The following KDM4A variants were observed in gnomAD, a reference collection of about 807,000 sequenced individuals.
KDM4A encodes lysine demethylase 4A.
In KDM4A, 23 loss-of-function variants were observed where a neutral mutation model predicts 127.1. That is an observed-to-expected ratio of 0.18 (90% confidence interval 0.13 to 0.26). The LOEUF (loss-of-function observed/expected upper bound fraction) is 0.26. Ranked by LOEUF, KDM4A falls within the 10% of genes least tolerant of loss-of-function variation. KDM4A has a pLI of 1.00. For synonymous variants in KDM4A, 443 were observed against 466.5 expected, an observed-to-expected ratio of 0.95 and a Z score of 0.65; for missense variants, 890 against 1,329.1, an observed-to-expected ratio of 0.67 and a Z score of 5.14.
rs10695477 is a variant in KDM4A, at chr1:43,693,643, A to ATGG, written c.2376-349_2376-347dup. Reference sequence around the variant, plus strand: ...CGTTTTCAGGAAGCACTTGGGTCCTATGGTAAAGAGGTCTGCATAGAGCTT... The same window carrying ATGG: ...CGTTTTCAGGAAGCACTTGGGTCCTATGGTGGTAAAGAGGTCTGCATAGAGCTT... On this transcript the variant is annotated intron_variant, in intron 16 of 21. Transcript: ENST00000372396. The surrounding 1 kb of genome is among the most constrained non-coding windows in gnomAD (Gnocchi z 4.2). Among the ~76,000 whole-genome samples, 10,924 of 152,200 alleles carry ATGG rather than the reference A, an allele frequency of 0.072. 1,309 individuals carry two copies. The highest frequency in any genetic ancestry group is 0.25 in the African/African-American group (10,377 of 41,458).
At chr1:43,663,201 TG>T in intron 5 of KDM4A, 114 bp downstream of exon 5, 1 of 876,318 alleles carries the variant, frequency 1.1e-6, no homozygotes. Context: ...GGTTCAGGCT[TG>T]GGGTGACATT....
chr1:43,652,679 C>CT (rs771216218), intron 1 of KDM4A, among the ~76,000 whole-genome samples: 3,976 of 118,756 alleles, frequency 0.033, 280 homozygotes, highest in African/African-American at 0.11. Context: ...TTCTTTCTTT[C>CT]TTTTTTTTTT....
Position 43,704,129 on chromosome 1 carries a change from T to C in KDM4A, c.3054+17T>C, listed in dbSNP as rs760628014. Reference sequence around the variant, plus strand: ...TCTAGACTGGTGAGTATTTTCTGTGTCCCCCCAGTTCCTGTCTTGGAGGGA... The same window carrying C: ...TCTAGACTGGTGAGTATTTTCTGTGCCCCCCCAGTTCCTGTCTTGGAGGGA... On this transcript the variant is annotated intron_variant, in intron 21 of 21. Transcript: ENST00000372396. 6.2e-7 allele frequency: 1 copy of C among 1,612,544 alleles called. No homozygotes were observed.
chr1:43,676,200 G>C (rs1274098339), intron 11 of KDM4A, among the ~76,000 whole-genome samples: 1 of 152,122 alleles, frequency 6.6e-6, no homozygotes, highest in Non-Finnish European at 1.5e-5. Flanking sequence ...TGAGGTGCGA[G>C]AATTGCTTGA....
At chr1:43,665,591 TAA>T (rs561543332) in intron 5 of KDM4A, 103 bp from the exon 6 acceptor site, 6 of 911,776 alleles carry the variant, frequency 6.6e-6, no homozygotes, top group Non-Finnish European at 8.5e-6. Context: ...CTTGGGAAGT[TAA>T]AAAAAAAATC....
chr1:43,684,577 G>C (rs572796606), intron 12 of KDM4A, among the ~76,000 whole-genome samples: 1 of 152,324 alleles, frequency 6.6e-6, no homozygotes, highest in South Asian at 2.1e-4. Flanking sequence ...GGAGGCTGTA[G>C]TCAGAGGAAC....
At chr1:43,695,926 T>C (rs1353290683) in intron 18 of KDM4A, among the ~76,000 whole-genome samples, 2 of 152,076 alleles carry the variant, frequency 1.3e-5, no homozygotes, top group Non-Finnish European at 2.9e-5. Context: ...AATATGATGT[T>C]AGTAACTGCA....
chr1:43,681,982 A>G (rs1293973723), intron 11 of KDM4A, among the ~76,000 whole-genome samples: 2 of 152,108 alleles, frequency 1.3e-5, no homozygotes, highest in African/African-American at 4.8e-5. Flanking sequence ...TTACTTATTG[A>G]TTGGAGACAA....
chr1:43,703,594 C>A, intron 19 of KDM4A, 23 bp from the exon 20 acceptor site: 1 of 1,612,892 alleles, frequency 6.2e-7, no homozygotes, highest in Non-Finnish European at 8.5e-7. Flanking sequence ...TCCTTTCACC[C>A]TCCTTCCTTC....
chr1:43,654,429 A>G (rs1660187544), intron 2 of KDM4A, among the ~76,000 whole-genome samples: 1 of 150,952 alleles, frequency 6.6e-6, no homozygotes, highest in Non-Finnish European at 1.5e-5. Flanking sequence ...TGCCATATAC[A>G]TTCCTGTGTT....
intron 5 of KDM4A, among the ~76,000 whole-genome samples, chr1:43,663,692 T>C (rs1660437006): frequency 6.6e-6 from 1 of 152,048 alleles, no homozygotes; most frequent in Non-Finnish European, 1.5e-5. Context: ...GGCACCATTA[T>C]GGCTCACTGC....
chr1:43,690,905 C>G lies in KDM4A; in HGVS notation c.2098C>G (p.Gln700Glu). 6.2e-7 allele frequency: 1 copy of G among 1,614,232 alleles called. No individual in the cohort carries two copies. Among genetic ancestry groups the G allele is most frequent in the Non-Finnish European group, 8.5e-7 (1 of 1,180,028 alleles). The change falls in exon 14 of 22, where the codon CAG becomes GAG. Residue 700 changes from glutamine to glutamate, a missense_variant. Gln to Glu is a conservative substitution (Grantham distance 29). Coordinates refer to ENST00000372396, the MANE Select transcript of KDM4A (RefSeq NM_014663.3). ...GNASDLAPQK[Q>E]RTKPLIPEMC... ...TGCTTCAGATTTAGCCCCCCAGAAG[C>G]AGAGGACCAAGCCATTGATTCCAGA...
chr1:43,703,250 C>T (rs1350084747), intron 19 of KDM4A: 1 of 164,026 alleles, frequency 6.1e-6, no homozygotes, highest in Non-Finnish European at 1.3e-5. Context: ...CCAAAAAAAA[C>T]ACATGTCTTA....
At chr1:43,672,216 T>C (rs1336655633) in intron 11 of KDM4A, among the ~76,000 whole-genome samples, 1 of 151,438 alleles carries the variant, frequency 6.6e-6, no homozygotes, top group Non-Finnish European at 1.5e-5. Flanking sequence ...TGAGATAGAG[T>C]CTCTGCTCTG....
chr1:43,668,156 C>T (rs931362276), intron 9 of KDM4A, 137 bp downstream of exon 9: 7 of 1,190,546 alleles, frequency 5.9e-6, no homozygotes, highest in Admixed American at 4.3e-5. Flanking sequence ...GATGGAGTCT[C>T]GCTCTGTCGC....
At chr1:43,650,782 G>A (rs1660098098) in intron 1 of KDM4A, 1 of 152,478 alleles carries the variant, frequency 6.6e-6, no homozygotes, top group Admixed American at 6.5e-5. Flanking sequence ...TGGAGAAACT[G>A]AGACTCAAGT....
At chr1:43,677,549 T>A (rs1390240617) in intron 11 of KDM4A, among the ~76,000 whole-genome samples, 3 of 152,202 alleles carry the variant, frequency 2.0e-5, no homozygotes, top group Non-Finnish European at 4.4e-5. Flanking sequence ...TTGCCGATGA[T>A]GTTCTGAAGT....
At chr1:43,702,709 G>A (rs1382977434) in intron 19 of KDM4A, 1 of 152,116 alleles carries the variant, frequency 6.6e-6, no homozygotes. Context: ...CCCATGGTAG[G>A]TGACTCTTTT....
chr1:43,657,837 G>A (rs1286934247), intron 3 of KDM4A, among the ~76,000 whole-genome samples: 9 of 134,280 alleles, frequency 6.7e-5, no homozygotes, highest in Non-Finnish European at 1.2e-4. Context: ...TGCAGCCTCC[G>A]CCTCCCAGGT....
Sources: allele counts gnomAD v4.1 joint callset (sites outside exome capture counted in the v4.1 genomes callset), GRCh38; gene constraint gnomAD v4.1.1; non-coding constraint Gnocchi (gnomAD v3.1); transcripts MANE v1.5; gene names NCBI Gene and HGNC (gene_info 2026-07-23, HGNC 2026-07-21).